KLHL8: variants seen among roughly 807,000 people sequenced by gnomAD.
The protein encoded by KLHL8 is kelch-like protein 8.
KLHL8 carries 38 observed loss-of-function variants against 63.5 expected under a neutral mutation model. The ratio of observed to expected loss-of-function variants is 0.60; its 90% CI spans 0.46 to 0.78. The LOEUF (loss-of-function observed/expected upper bound fraction) is 0.78, where lower values mean the gene tolerates loss of function less well. Among genes scored for constraint, KLHL8 ranks in the 30% least tolerant of loss-of-function variants. KLHL8 has a pLI of 0.00. For missense variants in KLHL8, 566 were observed against 752.4 expected (o/e 0.75, Z 2.90); for synonymous variants, 224 against 254.3 (o/e 0.88, Z 1.13).
intron 1 of KLHL8, among the ~76,000 whole-genome samples, chr4:87,234,466 T>C (rs1292495099): frequency 2.0e-5 from 3 of 150,948 alleles, no homozygotes; most frequent in Non-Finnish European, 4.4e-5. Flanking sequence ...ATAGTGGAGC[T>C]GAAAAATTCC....
chr4:87,189,949 G>C (rs940456901), intron 2 of KLHL8, among the ~76,000 whole-genome samples: 2 of 148,002 alleles, frequency 1.4e-5, no homozygotes, highest in East Asian at 4.0e-4. Flanking sequence ...CAGGAGAATC[G>C]CTTGAACCTC....
At chr4:87,235,895 G>A (rs1232315215) in intron 1 of KLHL8, among the ~76,000 whole-genome samples, 1 of 152,012 alleles carries the variant, frequency 6.6e-6, no homozygotes, top group African/African-American at 2.4e-5. Context: ...GGGCGGGTCG[G>A]TGGGGAGGAG....
At chr4:87,168,761 T>TAC (rs1578359158) in intron 8 of KLHL8, among the ~76,000 whole-genome samples, 1 of 143,318 alleles carries the variant, frequency 7.0e-6, no homozygotes, top group African/African-American at 2.6e-5. Context: ...TATATGTGTG[T>TAC]GTATATATAT....
chr4:87,234,490 C>T (rs1375994493), intron 1 of KLHL8, among the ~76,000 whole-genome samples: 2 of 151,330 alleles, frequency 1.3e-5, no homozygotes, highest in Non-Finnish European at 2.9e-5. Context: ...CCCTTAGTGA[C>T]GTCATAGCCA....
chr4:87,192,465 CTGTTTAGATA>C (rs1387384125), intron 2 of KLHL8, among the ~76,000 whole-genome samples: 1 of 152,020 alleles, frequency 6.6e-6, no homozygotes, highest in African/African-American at 2.4e-5. Flanking sequence ...TGTACCTTTT[CTGTTTAGATA>C]TGTTTAGATA....
intron 8 of KLHL8, chr4:87,167,847 C>G (rs1480937923): frequency 5.1e-6 from 1 of 194,860 alleles, no homozygotes; most frequent in Non-Finnish European, 1.1e-5. Flanking sequence ...CTTAAATACT[C>G]TGCATAAGGG....
At chr4:87,170,314 G>T in intron 7 of KLHL8, 76 bp from the exon 8 acceptor site, 1 of 1,473,324 alleles carries the variant, frequency 6.8e-7, no homozygotes, top group Non-Finnish European at 9.2e-7. Context: ...AAATTAGAAT[G>T]TACAAGGCAG....
rs184809863 is a variant in KLHL8, at chr4:87,189,749, G to A, written c.217-3950C>T. 4.0e-3 allele frequency among the ~76,000 whole-genome samples: 611 copies of A among 152,006 alleles called. 4 individuals are homozygous for A. The highest frequency in any genetic ancestry group is 0.014 in the African/African-American group (592 of 41,462). ...CACTTAAAAAAGTTTAGTAAAGGCC[G>A]GGCGCAGCTCACGCCTGTAATCCCA... On this transcript the variant is annotated intron_variant, in intron 2 of 9. Transcript: ENST00000273963.
intron 1 of KLHL8, among the ~76,000 whole-genome samples, chr4:87,235,700 C>A (rs1035999734): frequency 6.6e-6 from 1 of 152,152 alleles, no homozygotes; most frequent in Non-Finnish European, 1.5e-5. Flanking sequence ...CTCTATATTT[C>A]ATATTTAAAT....
Position 87,183,264 on chromosome 4 carries a change from A to G in KLHL8, c.891T>C (p.Ser297=). Reference sequence around the variant, plus strand: ...ATTCAAAGTCAGGTACTGCTCTGCTACTCAAGTGAAGGTGGTAATTTCTTG... The same window carrying G: ...ATTCAAAGTCAGGTACTGCTCTGCTGCTCAAGTGAAGGTGGTAATTTCTTG... ...DEARNYHLHL[S]SRAVPDFEYS... The change falls in exon 4 of 10, where the codon AGT becomes AGC. Residue 297 remains serine, a synonymous_variant. Coordinates refer to ENST00000273963, the MANE Select transcript of KLHL8 (RefSeq NM_020803.5). 6.2e-7 allele frequency: 1 copy of G among 1,613,854 alleles called. No individual in the cohort carries two copies. Among genetic ancestry groups the G allele is most frequent in the Non-Finnish European group, 8.5e-7 (1 of 1,179,862 alleles).
intron 1 of KLHL8, among the ~76,000 whole-genome samples, chr4:87,201,929 A>G (rs1731931725): frequency 6.6e-6 from 1 of 152,056 alleles, no homozygotes. Flanking sequence ...TTATGTGCTT[A>G]CATCAAAAAA....
At position 87,163,206 on chromosome 4, in the gene KLHL8, A is replaced by G. The variant is rs1412823714; in HGVS notation, c.*313T>C. 1 of 198,702 alleles carries G rather than the reference A, an allele frequency of 5.0e-6. No homozygotes were observed. Among genetic ancestry groups the G allele is most frequent in the East Asian group, 1.3e-4 (1 of 7,710 alleles). The allele number at this position is 198,702 out of a possible 1,614,324, so 12.3% of individuals were successfully genotyped here. A position where few individuals can be genotyped will look rare whatever the true frequency, so the allele number is the denominator to read the frequency against. On this transcript the variant is annotated 3_prime_UTR_variant, in exon 10 of 10. Coordinates refer to ENST00000273963, the MANE Select transcript of KLHL8 (RefSeq NM_020803.5). ...AACAAATTACATTTTGATTCATCCA[A>G]ATAGAGAGAGAGAGAGAGATTTCAA...
intron 6 of KLHL8, 150 bp from the exon 7 acceptor site, chr4:87,170,765 T>G: frequency 1.3e-5 from 9 of 715,538 alleles, no homozygotes; most frequent in South Asian, 1.9e-5. Flanking sequence ...TCAAAGCTTT[T>G]GACTAGATGG....
chr4:87,179,455 G>C (rs535390024), intron 4 of KLHL8, among the ~76,000 whole-genome samples: 1 of 152,294 alleles, frequency 6.6e-6, no homozygotes, highest in African/African-American at 2.4e-5. Flanking sequence ...AAACTTTAGT[G>C]AATGCCACTG....
Position 87,185,395 on chromosome 4 carries a change from A to T in KLHL8, c.621T>A (p.Ser207Arg). 1 of 1,614,194 alleles carries T rather than the reference A, an allele frequency of 6.2e-7. No homozygotes were observed. The highest frequency in any genetic ancestry group is 1.1e-5 in the South Asian group (1 of 91,088). Residue 207 changes from serine (S) to arginine (R), a missense_variant, in exon 3 of 10, where the codon AGT becomes AGA. Physicochemically the swap from Ser to Arg is moderately radical, Grantham distance 110. Coordinates refer to ENST00000273963, the MANE Select transcript of KLHL8 (RefSeq NM_020803.5). ...GCTTATGGAGGTGCTGCGGTGATAC[A>T]CTTACAAAGTCTTCACACTCCACTA... ...TEVVECEDFV[S>R]VSPQHLHKLL...
At chr4:87,233,229 G>C (rs558804709) in intron 1 of KLHL8, among the ~76,000 whole-genome samples, 1 of 152,142 alleles carries the variant, frequency 6.6e-6, no homozygotes, top group East Asian at 1.9e-4. Context: ...TTTTAGTAGA[G>C]ACAGGGTTTT....
intron 8 of KLHL8, among the ~76,000 whole-genome samples, chr4:87,169,449 C>T (rs895385882): frequency 6.6e-6 from 1 of 152,188 alleles, no homozygotes; most frequent in Non-Finnish European, 1.5e-5. Context: ...CATTTAAAAA[C>T]ATATACCTTA....
At position 87,178,532 on chromosome 4, in the gene KLHL8, G is replaced by A. The variant is rs1265237538; in HGVS notation, c.1041C>T (p.Phe347=). The change falls in exon 5 of 10, where the codon TTC becomes TTT. Residue 347 remains phenylalanine (F), a synonymous_variant. Coordinates refer to ENST00000273963, the MANE Select transcript of KLHL8 (RefSeq NM_020803.5). ...TTCGACTATTCATTTCTGGTCCAAAGAACCAACTGTTTTTGTTGATAGAAT... is the reference window on the plus strand; with the variant it reads ...TTCGACTATTCATTTCTGGTCCAAAAAACCAACTGTTTTTGTTGATAGAAT... ...ECYSINKNSW[F]FGPEMNSRRR... is the part of the protein sequence containing the mutation. 1 of 1,611,782 alleles carries A rather than the reference G, an allele frequency of 6.2e-7. No homozygotes were observed.
At chr4:87,191,029 C>A (rs1731464545) in intron 2 of KLHL8, among the ~76,000 whole-genome samples, 1 of 152,056 alleles carries the variant, frequency 6.6e-6, no homozygotes, top group Admixed American at 6.5e-5. Flanking sequence ...TAAATAAGAA[C>A]ATCCTCAACT....
Sources: gnomAD v4.1 joint callset for allele counts (sites outside exome capture counted in the v4.1 genomes callset) on GRCh38, gnomAD v4.1.1 for gene constraint, MANE v1.5 for transcripts, NCBI Gene and HGNC (gene_info 2026-07-23, HGNC 2026-07-21) for gene names.